Variants in PLEKHG1 observed in about 807,000 individuals in gnomAD.
PLEKHG1 encodes pleckstrin homology domain-containing family G member 1.
A neutral mutation model predicts 100.8 loss-of-function variants in PLEKHG1; 44 were observed. The observed-to-expected ratio is 0.44, with a 90% confidence interval of 0.34 to 0.56. The LOEUF (loss-of-function observed/expected upper bound fraction) is 0.56, where lower values mean the gene tolerates loss of function less well. Among genes scored for constraint, PLEKHG1 ranks in the 20% least tolerant of loss-of-function variants. The pLI is 0.01. For missense variants in PLEKHG1, 1,545 were observed against 1,720.9 expected (o/e 0.90, Z 1.81); for synonymous variants, 640 against 662.5 (o/e 0.97, Z 0.52).
intron 10 of PLEKHG1, among the ~76,000 whole-genome samples, chr6:150,817,240 C>T (rs1776014315): frequency 6.6e-6 from 1 of 152,190 alleles, no homozygotes. Flanking sequence ...GGAGAGCACC[C>T]ACCTAGTGAA....
At chr6:150,727,051 G>A (rs1781996546) in intron 1 of PLEKHG1, among the ~76,000 whole-genome samples, 5 of 152,090 alleles carry the variant, frequency 3.3e-5, no homozygotes, top group Admixed American at 3.3e-4. Flanking sequence ...GTCTTTCTGT[G>A]GCCTCCCCTC....
At chr6:150,791,173 C>T (rs1785956999) in intron 4 of PLEKHG1, among the ~76,000 whole-genome samples, 1 of 152,208 alleles carries the variant, frequency 6.6e-6, no homozygotes, top group African/African-American at 2.4e-5. Context: ...CTAGGCCCTA[C>T]TCTAAGACCT....
At chr6:150,717,523 T>C (rs1056338277), upstream of PLEKHG1, among the ~76,000 whole-genome samples, 1 of 152,162 alleles carries the variant, frequency 6.6e-6, no homozygotes, top group African/African-American at 2.4e-5. Flanking sequence ...CTGGTCTTCC[T>C]TCAATTAGGC....
At chr6:150,675,332 A>C (rs913703648) in intron 3 of PLEKHG1, among the ~76,000 whole-genome samples, 2 of 152,214 alleles carry the variant, frequency 1.3e-5, no homozygotes, top group African/African-American at 4.8e-5. Flanking sequence ...AAGTGGCAGA[A>C]CCAGGACTCA....
intron 1 of PLEKHG1, among the ~76,000 whole-genome samples, chr6:150,619,990 G>A (rs191703667): frequency 1.3e-5 from 2 of 152,134 alleles, no homozygotes; most frequent in African/African-American, 2.4e-5. Flanking sequence ...GTTTCCACAC[G>A]TTTTTGTTAT....
intron 6 of PLEKHG1, 143 bp from the exon 8 acceptor site, chr6:150,804,467 G>A (rs1447808127): frequency 3.3e-6 from 2 of 609,170 alleles, no homozygotes; most frequent in Non-Finnish European, 5.2e-6. Context: ...TTACAGGCAT[G>A]AGCCACCGCA....
At chr6:150,833,331 G>A (rs1777059684) in intron 15 of PLEKHG1, among the ~76,000 whole-genome samples, 1 of 152,232 alleles carries the variant, frequency 6.6e-6, no homozygotes, top group Non-Finnish European at 1.5e-5. Flanking sequence ...AGGATTACAG[G>A]CGTGAGCCGC....
chr6:150,687,752 T>G (rs975569454), intron 3 of PLEKHG1, among the ~76,000 whole-genome samples: 1 of 152,192 alleles, frequency 6.6e-6, no homozygotes, highest in Non-Finnish European at 1.5e-5. Context: ...CATGCTCTCA[T>G]CTGACCCCAC....
chr6:150,649,609 G>T (rs976455382), intron 2 of PLEKHG1, among the ~76,000 whole-genome samples: 1 of 152,222 alleles, frequency 6.6e-6, no homozygotes, highest in Non-Finnish European at 1.5e-5. Context: ...GGACGCGGTG[G>T]CTTATGCCTG....
intron 2 of PLEKHG1, among the ~76,000 whole-genome samples, chr6:150,750,086 A>AAAAAAAAAAC (rs1783414535): frequency 6.6e-6 from 1 of 151,908 alleles, no homozygotes; most frequent in African/African-American, 2.4e-5. Context: ...AAAAAAGAAA[A>AAAAAAAAAAC]TATCTACTAG....
chr6:150,722,103 T>C (rs1781708707), intron 1 of PLEKHG1, among the ~76,000 whole-genome samples: 1 of 152,114 alleles, frequency 6.6e-6, no homozygotes, highest in Non-Finnish European at 1.5e-5. Flanking sequence ...ATTCCTTCAA[T>C]CTATTTCTAA....
At chr6:150,737,241 C>G (rs1245837544) in intron 2 of PLEKHG1, among the ~76,000 whole-genome samples, 2 of 151,584 alleles carry the variant, frequency 1.3e-5, no homozygotes, top group Non-Finnish European at 2.9e-5. Context: ...TATTGTCAAG[C>G]CTGCAGTAAC....
chr6:150,666,328 C>G (rs553644144), intron 3 of PLEKHG1, among the ~76,000 whole-genome samples: 1 of 152,302 alleles, frequency 6.6e-6, no homozygotes, highest in South Asian at 2.1e-4. Flanking sequence ...GCCTTCCTCT[C>G]ATTACACTGA....
In PLEKHG1 at chr6:150,628,576, ACC is replaced by A. The variant is rs1554253902; in HGVS notation, c.-203-9501_-203-9500del. 2.6e-4 allele frequency among the ~76,000 whole-genome samples: 28 copies of A among 108,098 alleles called. 1 individual carries two copies. The highest frequency in any genetic ancestry group is 5.3e-4 in the Non-Finnish European group (26 of 48,994). The allele number at this position is 108,098 out of a possible 152,430, so 70.9% of individuals were successfully genotyped here. Reference sequence around the variant, plus strand: ...CACACACACACACACACACACACACACCCCGTCCTTGCCCTCCTGCACTGAAC... The same window carrying A: ...CACACACACACACACACACACACACACCGTCCTTGCCCTCCTGCACTGAAC... On this transcript the variant is annotated intron_variant, in intron 1 of 3. Coordinates refer to the PLEKHG1 transcript ENST00000367326.
At position 150,706,416 on chromosome 6, in the gene PLEKHG1, C is replaced by A. The variant is rs147083688; in HGVS notation, c.-98-27168C>A. ...ATCACTTGAGCCCAGGTGTTTGAGACCAGCTGGGCAACATAGGGAAACCCC... is the reference window on the plus strand; with the variant it reads ...ATCACTTGAGCCCAGGTGTTTGAGAACAGCTGGGCAACATAGGGAAACCCC... On this transcript the variant is annotated intron_variant, in intron 3 of 3. Transcript: ENST00000367326. 7.1e-3 allele frequency among the ~76,000 whole-genome samples: 1,073 copies of A among 151,296 alleles called. 16 individuals are homozygous for A. The highest frequency in any genetic ancestry group is 0.024 in the African/African-American group (1,008 of 41,386).
Position 150,831,361 on chromosome 6 carries a change from TC to T in PLEKHG1, c.2252del (p.Pro751ArgfsTer10). 6.2e-7 allele frequency: 1 copy of T among 1,614,080 alleles called. No homozygotes were observed. The highest frequency in any genetic ancestry group is 8.5e-7 in the Non-Finnish European group (1 of 1,179,998). ...ATGACACCATAGGGCTCCCAGATCC[TC>T]CGTCGCTGGGTTTTAAGTGCAGCAG... On this transcript the variant is annotated frameshift_variant, in exon 15 of 16. Coordinates refer to ENST00000358517, the Ensembl canonical transcript of PLEKHG1. LOFTEE classifies it high-confidence loss of function. This position sits in a 1 kb window ranked among gnomAD's most constrained non-coding sequence, Gnocchi z 4.1.
intron 15 of PLEKHG1, among the ~76,000 whole-genome samples, chr6:150,833,670 A>G (rs1439695183): frequency 1.3e-5 from 2 of 152,236 alleles, no homozygotes; most frequent in South Asian, 2.1e-4. Context: ...AGGCACAGAG[A>G]GATTTCTGGC....
At chr6:150,704,248 A>G (rs1780917564) in intron 3 of PLEKHG1, among the ~76,000 whole-genome samples, 1 of 152,158 alleles carries the variant, frequency 6.6e-6, no homozygotes, top group African/African-American at 2.4e-5. Context: ...TTCAGACATA[A>G]ACCTTCCTCT....
chr6:150,764,512 C>G (rs1362085137), intron 2 of PLEKHG1, among the ~76,000 whole-genome samples: 2 of 152,218 alleles, frequency 1.3e-5, no homozygotes, highest in Non-Finnish European at 2.9e-5. Context: ...TCTGCATGAC[C>G]TGTCCCGGCC....
Sources: gnomAD v4.1 joint callset for allele counts (sites outside exome capture counted in the v4.1 genomes callset) on GRCh38, gnomAD v4.1.1 for gene constraint, Gnocchi (gnomAD v3.1) non-coding constraint, MANE v1.5 for transcripts, NCBI Gene and HGNC (gene_info 2026-07-23, HGNC 2026-07-21) for gene names.